Variants in FBLN1 observed in about 807,000 individuals in gnomAD.
FBLN1 encodes fibulin-1.
A neutral mutation model predicts 89.7 loss-of-function variants in FBLN1; 34 were observed. The ratio of observed to expected loss-of-function variants is 0.38; its 90% CI spans 0.29 to 0.50. FBLN1 has a LOEUF of 0.50. FBLN1 is among the 20% of genes least tolerant of loss of function. The pLI is 0.92. For synonymous variants in FBLN1, 393 were observed against 391.3 expected (o/e 1.00, Z -0.05); for missense variants, 777 against 988.1 (o/e 0.79, Z 2.86).
chr22:45,582,515 C>G (rs958802099), intron 16 of FBLN1, among the ~76,000 whole-genome samples: 3 of 152,230 alleles, frequency 2.0e-5, no homozygotes, highest in Non-Finnish European at 4.4e-5. Context: ...GGCGACCCAT[C>G]ATGCTGCTCC....
At chr22:45,535,171 A>T in intron 7 of FBLN1, 29 bp from the exon 8 acceptor site, 1 of 1,613,886 alleles carries the variant, frequency 6.2e-7, no homozygotes, top group Non-Finnish European at 8.5e-7. Context: ...GACTCTTGCT[A>T]ACAATTTCCT....
At chr22:45,593,294 G>A (rs898237695) in intron 16 of FBLN1, among the ~76,000 whole-genome samples, 2 of 152,062 alleles carry the variant, frequency 1.3e-5, no homozygotes, top group Admixed American at 1.3e-4. Context: ...AAGAGGCAGC[G>A]AAGGTCTCCC....
In FBLN1 at chr22:45,588,282, G is replaced by C. The variant is rs1044860483; in HGVS notation, c.1972+11174G>C. 6.6e-6 allele frequency among the ~76,000 whole-genome samples: 1 copy of C among 152,200 alleles called. No individual in the cohort carries two copies. Among genetic ancestry groups the C allele is most frequent in the African/African-American group, 2.4e-5 (1 of 41,446 alleles). ...GCAGAGGGAATGGCAGAGTGCTGGA[G>C]TGGCCATGCCTGGGGAACTCCTTCT... On this transcript the variant is annotated intron_variant, in intron 16 of 16. Transcript: ENST00000327858. This position sits in a 1 kb window ranked among gnomAD's most constrained non-coding sequence, Gnocchi z 5.1.
Position 45,574,713 on chromosome 22 carries a change from A to T in FBLN1, c.1840+60A>T. The T allele has an allele frequency of 3.5e-6, 5 of 1,433,836 alleles. No individual in the cohort carries two copies. The highest frequency in any genetic ancestry group is 1.4e-5 in the African/African-American group (1 of 69,140). The allele number at this position is 1,433,836 out of a possible 1,614,324, so 88.8% of individuals were successfully genotyped here. The stretch of plus-strand genomic sequence containing the variant: ...CTAGGGCCTCCCTCGGCTTCAGCTG[A>T]GGGCTTGGCCTACAGGAGTTGTTCC... On this transcript the variant is annotated intron_variant, in intron 15 of 16. Coordinates refer to ENST00000327858, the MANE Select transcript of FBLN1 (RefSeq NM_006486.3). This position sits in a 1 kb window ranked among gnomAD's most constrained non-coding sequence, Gnocchi z 4.1.
intron 10 of FBLN1, among the ~76,000 whole-genome samples, chr22:45,542,518 T>C (rs1376899897): frequency 2.6e-5 from 4 of 152,104 alleles, no homozygotes; most frequent in Non-Finnish European, 5.9e-5. Flanking sequence ...TCCCCATCTG[T>C]GGAAAGGGGT....
chr22:45,575,999 C>A lies in FBLN1; in HGVS notation c.1841-978C>A, dbSNP rs1426677694. Among the ~76,000 whole-genome samples, 1 of 151,998 alleles carries A rather than the reference C, an allele frequency of 6.6e-6. No individual in the cohort carries two copies. Among genetic ancestry groups the A allele is most frequent in the African/African-American group, 2.4e-5 (1 of 41,340 alleles). On this transcript the variant is annotated intron_variant, in intron 15 of 16. Transcript: ENST00000327858. The surrounding 1 kb of genome is among the most constrained non-coding windows in gnomAD (Gnocchi z 6.3). The stretch of plus-strand genomic sequence containing the variant: ...AGGGGAGGCATGCAACGGAGCCAGC[C>A]GCGAGGACACCAGTGTTTACACCAT...
Position 45,563,168 on chromosome 22 carries a change from A to G in FBLN1, c.1698-11343A>G, listed in dbSNP as rs2088869860. ...CCTCACCAAGCCTGTCCCCGAGCCC[A>G]GGGACTTGCTCCTGACCGTCAAGAT... On this transcript the variant is annotated intron_variant, in intron 14 of 16. Coordinates refer to ENST00000327858, the MANE Select transcript of FBLN1 (RefSeq NM_006486.3). The surrounding 1 kb of genome is among the most constrained non-coding windows in gnomAD (Gnocchi z 5.7). 3 of 1,613,702 alleles carry G rather than the reference A, an allele frequency of 1.9e-6. No homozygotes were observed. Among genetic ancestry groups the G allele is most frequent in the South Asian group, 1.1e-5 (1 of 91,072 alleles).
chr22:45,507,124 A>G (rs1479783815), intron 1 of FBLN1, among the ~76,000 whole-genome samples: 1 of 152,052 alleles, frequency 6.6e-6, no homozygotes, highest in African/African-American at 2.4e-5. Context: ...TGGCTAAGTC[A>G]TCTGCCACAA....
rs1569240661 is a variant in FBLN1 at position 45,527,870 on chromosome 22, G to A, written c.345G>A (p.Leu115=). 1.9e-6 allele frequency: 3 copies of A among 1,613,996 alleles called. No homozygotes were observed. Among genetic ancestry groups the A allele is most frequent in the African/African-American group, 1.3e-5 (1 of 74,922 alleles). ...FVKRCCHCCL[L]GRAAQAQGQS... ...AGAGGTGCTGCCATTGCTGTCTGCT[G>A]GGGAGGGCGGCCCAGGCCCAGGGCC... The change falls in exon 4 of 17, where the codon CTG becomes CTA. Residue 115 remains leucine, a synonymous_variant. Transcript: ENST00000327858.
chr22:45,535,259 A>G lies in FBLN1; in HGVS notation c.844A>G (p.Thr282Ala), dbSNP rs1441894318. Residue 282 changes from threonine (T) to alanine (A), a missense_variant, in exon 8 of 17, where the codon ACT becomes GCT. Transcript: ENST00000327858. ...NCLPDFICQN[T>A]LGSFRCRPKL... ...CCTCCCCGATTTTATCTGTCAGAAT[A>G]CTCTGGGATCCTTCCGCTGCCGACC... is the stretch of plus-strand genomic sequence containing the variant. 1.1e-5 allele frequency: 18 copies of G among 1,614,164 alleles called. No individual in the cohort carries two copies. The highest frequency in any genetic ancestry group is 1.5e-5 in the Non-Finnish European group (18 of 1,180,026).
rs1569261670 is a variant in FBLN1, at chr22:45,572,643, A to G, written c.1698-1868A>G. On this transcript the variant is annotated intron_variant, in intron 14 of 16. Coordinates refer to ENST00000327858, the MANE Select transcript of FBLN1 (RefSeq NM_006486.3). This position sits in a 1 kb window ranked among gnomAD's most constrained non-coding sequence, Gnocchi z 5.8. ...AGAACCAGACTATCGGCATTTTGCA[A>G]TCCTTGATGAATCAGTGGGCGTAGG... Among the ~76,000 whole-genome samples, 4 of 152,258 alleles carry G rather than the reference A, an allele frequency of 2.6e-5. No individual in the cohort carries two copies. The highest frequency in any genetic ancestry group is 2.6e-4 in the Admixed American group (4 of 15,288).
At chr22:45,513,701 T>G (rs1269319642) in intron 1 of FBLN1, among the ~76,000 whole-genome samples, 2 of 152,200 alleles carry the variant, frequency 1.3e-5, no homozygotes, top group African/African-American at 2.4e-5. Context: ...ACAAATTCCC[T>G]ACAAATTTAA....
chr22:45,522,224 T>C (rs1420911039), intron 2 of FBLN1, among the ~76,000 whole-genome samples: 1 of 152,170 alleles, frequency 6.6e-6, no homozygotes, highest in African/African-American at 2.4e-5. Context: ...TGGCTTCAAG[T>C]GATTGGACGC....
intron 14 of FBLN1, among the ~76,000 whole-genome samples, chr22:45,567,476 C>T (rs1015007228): frequency 6.6e-6 from 1 of 152,132 alleles, no homozygotes; most frequent in Non-Finnish European, 1.5e-5. Context: ...ATTAGCTGGT[C>T]GTGGTGGTAC....
chr22:45,551,957 G>A (rs1174445543), intron 14 of FBLN1, among the ~76,000 whole-genome samples: 2 of 152,240 alleles, frequency 1.3e-5, no homozygotes, highest in African/African-American at 4.8e-5. Flanking sequence ...CTGCACAGGG[G>A]CCCTGGCGCC....
chr22:45,548,340 C>T (rs1053096503), intron 12 of FBLN1, among the ~76,000 whole-genome samples: 3 of 152,234 alleles, frequency 2.0e-5, no homozygotes, highest in Non-Finnish European at 4.4e-5. Flanking sequence ...TGAGCCAGTG[C>T]ACCCAGCTGA....
chr22:45,591,395 A>AT (rs1197056471), intron 16 of FBLN1, among the ~76,000 whole-genome samples: 1 of 148,850 alleles, frequency 6.7e-6, no homozygotes, highest in Non-Finnish European at 1.5e-5. Context: ...TTCCCTTCAT[A>AT]TTTTTCCCCA....
Position 45,532,902 on chromosome 22 carries a change from G to C in FBLN1, c.545-161G>C. The C allele has an allele frequency of 1.5e-6, 1 of 670,792 alleles. No homozygotes were observed. Among genetic ancestry groups the C allele is most frequent in the Admixed American group, 2.1e-5 (1 of 47,108 alleles). The allele number at this position is 670,792 out of a possible 1,614,324, so 41.6% of individuals were successfully genotyped here. A position where few individuals can be genotyped will look rare whatever the true frequency, so the allele number is the denominator to read the frequency against. On this transcript the variant is annotated intron_variant, in intron 5 of 16. Transcript: ENST00000327858. The surrounding 1 kb of genome is among the most constrained non-coding windows in gnomAD (Gnocchi z 4.2). ...GGGGGTGTCCAGAGCCAGAGCCTGG[G>C]GGTCTCCCAGTAGGGCAGCAGGTGG...
rs778693761 is a variant in FBLN1 at position 45,562,689 on chromosome 22, C to T, written c.1698-11822C>T. 2.6e-5 allele frequency among the ~76,000 whole-genome samples: 4 copies of T among 152,232 alleles called. No homozygotes were observed. Among genetic ancestry groups the T allele is most frequent in the Non-Finnish European group, 5.9e-5 (4 of 68,030 alleles). On this transcript the variant is annotated intron_variant, in intron 14 of 16. Coordinates refer to ENST00000327858, the MANE Select transcript of FBLN1 (RefSeq NM_006486.3). This position sits in a 1 kb window ranked among gnomAD's most constrained non-coding sequence, Gnocchi z 7.8. The stretch of plus-strand genomic sequence containing the variant: ...CAGCCTTTGGCCCCCGGCCACCCAG[C>T]GCCCGAGATGGTGTTGGAAGAGGCT...
Sources: gnomAD v4.1 joint callset for allele counts (sites outside exome capture counted in the v4.1 genomes callset) on GRCh38, gnomAD v4.1.1 for gene constraint, Gnocchi (gnomAD v3.1) non-coding constraint, MANE v1.5 for transcripts, NCBI Gene and HGNC (gene_info 2026-07-23, HGNC 2026-07-21) for gene names.